Variants in ASTN1 observed in about 807,000 individuals in gnomAD.
The protein encoded by ASTN1 is astrotactin 1.
ASTN1 carries 41 observed loss-of-function variants against 140.7 expected under a neutral mutation model. The observed-to-expected ratio is 0.29, with a 90% CI of 0.23 to 0.38. ASTN1 has a LOEUF of 0.38. Ranked by LOEUF, ASTN1 falls within the 10% of genes least tolerant of loss-of-function variation. The pLI is 1.00. For synonymous variants in ASTN1, 640 were observed against 652.2 expected (o/e 0.98, Z 0.29); for missense variants, 1,479 against 1,678.8 (o/e 0.88, Z 2.08).
intron 2 of ASTN1, among the ~76,000 whole-genome samples, chr1:177,042,108 C>A (rs1677005786): frequency 1.3e-5 from 2 of 152,214 alleles, no homozygotes; most frequent in Admixed American, 6.5e-5. Context: ...CCCTGAAGAT[C>A]CATTTCCTCT....
intron 22 of ASTN1, among the ~76,000 whole-genome samples, chr1:176,867,788 A>T (rs1405162149): frequency 6.6e-6 from 1 of 152,212 alleles, no homozygotes; most frequent in Non-Finnish European, 1.5e-5. Context: ...AATGAGGATG[A>T]TTCTCTCTCC....
intron 16 of ASTN1, among the ~76,000 whole-genome samples, chr1:176,931,447 C>G (rs1163270095): frequency 6.6e-6 from 1 of 152,040 alleles, no homozygotes; most frequent in Non-Finnish European, 1.5e-5. Flanking sequence ...GCCTGGGTAA[C>G]AAGAGCAAAA....
intron 8 of ASTN1, among the ~76,000 whole-genome samples, chr1:176,987,682 G>T (rs1358872685): frequency 1.3e-5 from 2 of 151,870 alleles, no homozygotes; most frequent in Non-Finnish European, 2.9e-5. Context: ...TTCCTATCAG[G>T]CATATCTTCC....
At chr1:177,142,577 T>C (rs1682520559) in intron 1 of ASTN1, among the ~76,000 whole-genome samples, 1 of 152,092 alleles carries the variant, frequency 6.6e-6, no homozygotes, top group African/African-American at 2.4e-5. Flanking sequence ...AATCAAATGG[T>C]TCTTTATACA....
intron 1 of ASTN1, among the ~76,000 whole-genome samples, chr1:177,085,903 G>A (rs1468855234): frequency 6.6e-6 from 1 of 152,152 alleles, no homozygotes; most frequent in Non-Finnish European, 1.5e-5. Context: ...ATTATAGGAT[G>A]ACATAACAGA....
Position 176,864,020 on chromosome 1 carries a change from T to C in ASTN1, c.*264A>G. 1 of 1,251,006 alleles carries C rather than the reference T, an allele frequency of 8.0e-7. No homozygotes were observed. The highest frequency in any genetic ancestry group is 1.0e-6 in the Non-Finnish European group (1 of 992,970). The allele number at this position is 1,251,006 out of a possible 1,614,324, so 77.5% of individuals were successfully genotyped here. ...AAAAAAAATGAATGGAACAAATTAA[T>C]GGCAAAGCAAACCCCAAAGTAATCC... On this transcript the variant is annotated 3_prime_UTR_variant, in exon 23 of 23. Transcript: ENST00000361833.
intron 20 of ASTN1, among the ~76,000 whole-genome samples, chr1:176,877,859 T>G (rs1345112834): frequency 6.6e-6 from 1 of 152,132 alleles, no homozygotes; most frequent in Non-Finnish European, 1.5e-5. Context: ...GACACAGTGG[T>G]CCAGTTAAAT....
At chr1:176,916,498 C>T (rs776270703) in intron 16 of ASTN1, among the ~76,000 whole-genome samples, 116 of 152,254 alleles carry the variant, frequency 7.6e-4, no homozygotes, top group Admixed American at 2.3e-3. Context: ...GGGGGGTCCC[C>T]GCAGAGCCCA....
intron 2 of ASTN1, among the ~76,000 whole-genome samples, chr1:177,047,710 C>A (rs1209092018): frequency 6.6e-6 from 1 of 151,816 alleles, no homozygotes; most frequent in East Asian, 1.9e-4. Context: ...GAGATGTTTA[C>A]AAAATAAAAT....
At chr1:176,931,733 C>T (rs1196685345) in intron 16 of ASTN1, among the ~76,000 whole-genome samples, 1 of 152,216 alleles carries the variant, frequency 6.6e-6, no homozygotes, top group Non-Finnish European at 1.5e-5. Context: ...AACTTTTACA[C>T]CATTACTACC....
chr1:177,024,367 GAGA>G (rs552958088), intron 6 of ASTN1, among the ~76,000 whole-genome samples: 56 of 152,300 alleles, frequency 3.7e-4, no homozygotes, highest in Middle Eastern at 6.8e-3. Context: ...AGATGGCATA[GAGA>G]AGAAGAGGTG....
At chr1:177,049,762 A>G (rs1361945627) in intron 2 of ASTN1, among the ~76,000 whole-genome samples, 1 of 152,198 alleles carries the variant, frequency 6.6e-6, no homozygotes, top group African/African-American at 2.4e-5. Flanking sequence ...TTTGAAAGCT[A>G]CAAGCAGAGC....
chr1:177,031,446 C>T (rs1002483775), intron 3 of ASTN1, among the ~76,000 whole-genome samples: 6 of 152,088 alleles, frequency 3.9e-5, no homozygotes, highest in Non-Finnish European at 1.5e-5. Flanking sequence ...TGATAATAAC[C>T]CCTGAGTACC....
chr1:176,920,204 C>T (rs185759723), intron 16 of ASTN1, among the ~76,000 whole-genome samples: 131 of 152,252 alleles, frequency 8.6e-4, no homozygotes, highest in Non-Finnish European at 1.4e-3. Context: ...CTTAGTGGAA[C>T]CATCTCCTGC....
At chr1:177,122,011 G>A (rs1298945690) in intron 1 of ASTN1, among the ~76,000 whole-genome samples, 2 of 152,120 alleles carry the variant, frequency 1.3e-5, no homozygotes, top group African/African-American at 4.8e-5. Flanking sequence ...TTCTTGGCTC[G>A]AGCAGAAGGA....
chr1:177,139,263 T>C (rs951738331), intron 1 of ASTN1, among the ~76,000 whole-genome samples: 1 of 152,220 alleles, frequency 6.6e-6, no homozygotes, highest in African/African-American at 2.4e-5. Flanking sequence ...AATTAAGTAA[T>C]ATGAAATAAT....
chr1:177,133,819 G>A (rs1282796143), intron 1 of ASTN1, among the ~76,000 whole-genome samples: 4 of 152,166 alleles, frequency 2.6e-5, no homozygotes, highest in African/African-American at 9.7e-5. Flanking sequence ...TAGATTGTAT[G>A]CTTATGCTCT....
In ASTN1 at chr1:177,061,130, G is replaced by T; in HGVS notation, c.419C>A (p.Pro140His). 6.2e-7 allele frequency: 1 copy of T among 1,611,760 alleles called. No individual in the cohort carries two copies. Among genetic ancestry groups the T allele is most frequent in the Non-Finnish European group, 8.5e-7 (1 of 1,179,012 alleles). Residue 140 changes from proline (P) to histidine (H), a missense_variant, in exon 2 of 23, where the codon CCC becomes CAC. Transcript: ENST00000361833. ...SLPGQDPTEE[P>H]QHESAEEELR... ...CTCCTCTTCTGCCGACTCATGTTGG[G>T]GTTCTTCAGTGGGGTCTTGTCCAGG...
At chr1:177,021,754 G>A (rs1158726214) in intron 7 of ASTN1, among the ~76,000 whole-genome samples, 1 of 152,156 alleles carries the variant, frequency 6.6e-6, no homozygotes, top group African/African-American at 2.4e-5. Context: ...GCTCCCCCCG[G>A]GGATCAAGCT....
Sources: allele counts gnomAD v4.1 joint callset (sites outside exome capture counted in the v4.1 genomes callset), GRCh38; gene constraint gnomAD v4.1.1; transcripts MANE v1.5; gene names NCBI Gene and HGNC (gene_info 2026-07-23, HGNC 2026-07-21).